GSK3B: variants seen among roughly 807,000 people sequenced by gnomAD.
The protein encoded by GSK3B is glycogen synthase kinase 3 beta.
In GSK3B, 15 loss-of-function variants were observed where a neutral mutation model predicts 56.4. The ratio of observed to expected loss-of-function variants is 0.27; its 90% CI spans 0.18 to 0.41. The LOEUF is 0.41. Ranked by LOEUF, GSK3B falls within the 10% of genes least tolerant of loss-of-function variation. The pLI is 1.00. For synonymous variants in GSK3B, 181 were observed against 188.9 expected (o/e 0.96, Z 0.34); for missense variants, 300 against 513.4 (o/e 0.58, Z 4.02).
intron 10 of GSK3B, 135 bp from the exon 11 acceptor site, chr3:119,826,990 G>A (rs893403744): frequency 1.6e-6 from 1 of 625,652 alleles, no homozygotes; most frequent in East Asian, 2.6e-5. Flanking sequence ...TTTTAAATAA[G>A]GCCAACACTA....
In GSK3B at chr3:119,843,247, G is replaced by C. The variant is rs754864112; in HGVS notation, c.1195+8C>G. ...TGTTTTTATAGAAGAGACTTAGAAC[G>C]TTCTTACCTGACGCTGCTGTGGCAT... On this transcript the variant is annotated splice_region_variant and intron_variant, in intron 10 of 10. Coordinates refer to ENST00000264235, the MANE Select transcript of GSK3B (RefSeq NM_001146156.2). 6.3e-7 allele frequency: 1 copy of C among 1,575,076 alleles called. No individual in the cohort carries two copies. The highest frequency in any genetic ancestry group is 1.7e-5 in the Admixed American group (1 of 59,474).
chr3:119,983,990 A>G (rs745341911), intron 2 of GSK3B, among the ~76,000 whole-genome samples: 3 of 152,232 alleles, frequency 2.0e-5, no homozygotes, highest in African/African-American at 4.8e-5. Flanking sequence ...AAAGGACAGA[A>G]AGCACAACAA....
At chr3:119,967,751 C>T (rs1381914617) in intron 2 of GSK3B, among the ~76,000 whole-genome samples, 1 of 151,146 alleles carries the variant, frequency 6.6e-6, no homozygotes, top group African/African-American at 2.4e-5. Context: ...CCGTCCCCTC[C>T]CCTCCCCTCC....
chr3:119,868,107 TAAG>T (rs948608616), intron 8 of GSK3B, among the ~76,000 whole-genome samples: 71 of 123,386 alleles, frequency 5.8e-4, no homozygotes, highest in East Asian at 5.4e-3. Flanking sequence ...AAGCAAAAAA[TAAG>T]AAGAAGAAGA....
chr3:119,894,069 A>C (rs765870638), intron 7 of GSK3B, among the ~76,000 whole-genome samples: 1 of 152,048 alleles, frequency 6.6e-6, no homozygotes, highest in Non-Finnish European at 1.5e-5. Context: ...CAGAACCACT[A>C]ATCTTTTTGT....
intron 2 of GSK3B, among the ~76,000 whole-genome samples, chr3:119,993,137 G>A (rs1559867555): frequency 7.0e-6 from 1 of 142,618 alleles, no homozygotes; most frequent in Non-Finnish European, 1.5e-5. Context: ...TACCTCCTGT[G>A]TAAGGAAGAA....
chr3:119,845,423 C>G (rs544648185), intron 9 of GSK3B, among the ~76,000 whole-genome samples: 1 of 152,300 alleles, frequency 6.6e-6, no homozygotes, highest in Admixed American at 6.5e-5. Flanking sequence ...ACCCCATCGC[C>G]TCAGCCCAAA....
chr3:119,969,414 C>G (rs1181922009), intron 2 of GSK3B, among the ~76,000 whole-genome samples: 4 of 152,086 alleles, frequency 2.6e-5, no homozygotes, highest in Non-Finnish European at 5.9e-5. Flanking sequence ...ATTAAGATGC[C>G]AGTTCTTCCC....
intron 9 of GSK3B, among the ~76,000 whole-genome samples, chr3:119,844,826 C>T (rs574309228): frequency 6.6e-6 from 1 of 152,200 alleles, no homozygotes; most frequent in Non-Finnish European, 1.5e-5. Flanking sequence ...CCAGCATCAT[C>T]CTGATAGCAA....
At chr3:119,949,886 GT>G (rs901648729) in intron 2 of GSK3B, among the ~76,000 whole-genome samples, 3 of 148,646 alleles carry the variant, frequency 2.0e-5, no homozygotes, top group Non-Finnish European at 3.0e-5. Flanking sequence ...TATCTATTAA[GT>G]TTTTTTTAAC....
chr3:120,008,093 G>A (rs1459295042), intron 1 of GSK3B, among the ~76,000 whole-genome samples: 1 of 152,086 alleles, frequency 6.6e-6, no homozygotes, highest in African/African-American at 2.4e-5. Flanking sequence ...ACCAATAACA[G>A]ACAAACAGCC....
At chr3:119,946,986 G>A (rs894113892) in intron 3 of GSK3B, among the ~76,000 whole-genome samples, 4 of 150,760 alleles carry the variant, frequency 2.7e-5, no homozygotes, top group Non-Finnish European at 5.9e-5. Flanking sequence ...GAACATAGAT[G>A]TCTTTAAAAA....
chr3:119,845,111 G>C (rs2055837352), intron 9 of GSK3B, among the ~76,000 whole-genome samples: 1 of 152,092 alleles, frequency 6.6e-6, no homozygotes, highest in South Asian at 2.1e-4. Flanking sequence ...AAATTCAACA[G>C]CCCTTCATGC....
Position 119,862,745 on chromosome 3 carries a change from G to A in GSK3B, c.1096+674C>T, listed in dbSNP as rs142799362. The stretch of plus-strand genomic sequence containing the variant: ...ATAAGAAAGTCACATCAGCAGAGGC[G>A]GTGTGACTGAATGAATGAATCACTT... On this transcript the variant is annotated intron_variant, in intron 9 of 10. Coordinates refer to ENST00000264235, the MANE Select transcript of GSK3B (RefSeq NM_001146156.2). Among the ~76,000 whole-genome samples the A allele has an allele frequency of 7.4e-5, 11 of 148,680 alleles. No homozygotes were observed. The East Asian group carries it at 1.2e-3, about 16-fold the overall frequency.
intron 9 of GSK3B, among the ~76,000 whole-genome samples, chr3:119,847,705 T>C (rs2055874601): frequency 1.3e-5 from 2 of 152,338 alleles, no homozygotes; most frequent in African/African-American, 2.4e-5. Flanking sequence ...AGTAGGTATA[T>C]TAATAAGACA....
intron 4 of GSK3B, among the ~76,000 whole-genome samples, chr3:119,917,841 T>C (rs2056796994): frequency 1.3e-5 from 2 of 151,604 alleles, no homozygotes; most frequent in South Asian, 4.1e-4. Context: ...TATTTCACTT[T>C]GTAAAAGTGT....
intron 1 of GSK3B, among the ~76,000 whole-genome samples, 193 bp from the exon 2 acceptor site, chr3:120,002,432 G>C (rs952585642): frequency 6.6e-6 from 1 of 151,616 alleles, no homozygotes; most frequent in Non-Finnish European, 1.5e-5. Context: ...TCCGTCTGCC[G>C]GGTTCAATCA....
chr3:119,986,930 T>C (rs1014577987), intron 2 of GSK3B, among the ~76,000 whole-genome samples: 26 of 152,188 alleles, frequency 1.7e-4, no homozygotes, highest in African/African-American at 6.3e-4. Flanking sequence ...CCAACGCAAA[T>C]GTCCATCAAT....
chr3:119,851,848 A>G (rs1045053811), intron 9 of GSK3B, among the ~76,000 whole-genome samples: 3 of 152,204 alleles, frequency 2.0e-5, no homozygotes, highest in African/African-American at 7.2e-5. Flanking sequence ...GGTTTAAATG[A>G]CTTAATAATG....
Sources: allele counts gnomAD v4.1 joint callset (sites outside exome capture counted in the v4.1 genomes callset), GRCh38; gene constraint gnomAD v4.1.1; transcripts MANE v1.5; gene names NCBI Gene and HGNC (gene_info 2026-07-23, HGNC 2026-07-21).